BCKDHB: variants seen among roughly 807,000 people sequenced by gnomAD.
BCKDHB encodes branched chain keto acid dehydrogenase E1 subunit beta, also known as 2-oxoisovalerate dehydrogenase subunit beta, mitochondrial.
A neutral mutation model predicts 48.5 loss-of-function variants in BCKDHB; 41 were observed. The ratio of observed to expected loss-of-function variants is 0.85; its 90% CI spans 0.66 to 1.10. The LOEUF (loss-of-function observed/expected upper bound fraction) is 1.10, where lower values mean the gene tolerates loss of function less well. BCKDHB is among the 50% of genes least tolerant of loss of function. BCKDHB has a pLI of 0.00. For synonymous variants in BCKDHB, 201 were observed against 174.8 expected, an observed-to-expected ratio of 1.15 and a Z score of -1.18; for missense variants, 496 against 494.2, an observed-to-expected ratio of 1.00 and a Z score of -0.03.
chr6:80,377,774 A>G, the BCKDHB span, among the ~76,000 whole-genome samples: 6 of 152,204 alleles, frequency 3.9e-5, no homozygotes, highest in South Asian at 6.2e-4. Flanking sequence ...AATTTCTCCT[A>G]CTATATTTTT....
chr6:80,270,644 G>T (rs1045013155), intron 8 of BCKDHB, among the ~76,000 whole-genome samples: 3 of 152,076 alleles, frequency 2.0e-5, no homozygotes, highest in African/African-American at 7.2e-5. Context: ...ACATACAGAG[G>T]TGTTGAAGAA....
the BCKDHB span, among the ~76,000 whole-genome samples, chr6:80,402,283 C>A: frequency 6.6e-6 from 1 of 151,646 alleles, no homozygotes; most frequent in Non-Finnish European, 1.5e-5. Flanking sequence ...TACTTTTTAT[C>A]TTTTGTCTTT....
At chr6:80,254,278 A>T (rs998336701) in intron 8 of BCKDHB, among the ~76,000 whole-genome samples, 2 of 151,596 alleles carry the variant, frequency 1.3e-5, no homozygotes, top group Admixed American at 1.3e-4. Context: ...CTTTTTTCAC[A>T]TGTCATAGTT....
chr6:80,450,580 C>T, the BCKDHB span, among the ~76,000 whole-genome samples: 1 of 152,168 alleles, frequency 6.6e-6, no homozygotes, highest in Non-Finnish European at 1.5e-5. Context: ...CTCAGAGGCA[C>T]TCCCGTAATT....
At chr6:80,403,479 T>G in the BCKDHB span, among the ~76,000 whole-genome samples, 1 of 151,912 alleles carries the variant, frequency 6.6e-6, no homozygotes, top group Non-Finnish European at 1.5e-5. Context: ...AGTTTTTTGG[T>G]GGATTCTTTA....
At chr6:80,295,269 T>C (rs1283517881) in intron 9 of BCKDHB, among the ~76,000 whole-genome samples, 1 of 152,158 alleles carries the variant, frequency 6.6e-6, no homozygotes, top group Non-Finnish European at 1.5e-5. Context: ...CTGGGTAATT[T>C]ATAAGGATAA....
the BCKDHB span, among the ~76,000 whole-genome samples, chr6:80,428,882 C>A: frequency 1.3e-5 from 2 of 152,284 alleles, no homozygotes; most frequent in Admixed American, 6.5e-5. Context: ...TCAATTAGAT[C>A]CCATTTGTCA....
At chr6:80,260,502 A>G (rs1264315864) in intron 8 of BCKDHB, among the ~76,000 whole-genome samples, 5 of 152,188 alleles carry the variant, frequency 3.3e-5, no homozygotes, top group African/African-American at 1.2e-4. Context: ...TACATCACCA[A>G]GTACAATATG....
chr6:80,198,204 A>G (rs1047150107), intron 6 of BCKDHB, among the ~76,000 whole-genome samples: 5 of 152,228 alleles, frequency 3.3e-5, no homozygotes, highest in Non-Finnish European at 7.3e-5. Context: ...AATCAATGGC[A>G]TGGTTGTGAG....
the BCKDHB span, chr6:80,356,061 G>C: frequency 6.6e-6 from 1 of 152,190 alleles, no homozygotes; most frequent in Non-Finnish European, 1.5e-5. Context: ...CATCAGACAA[G>C]TGAATTAACT....
Position 80,168,883 on chromosome 6 carries a change from T to G in BCKDHB, c.486T>G (p.Asn162Lys). 1 of 1,614,122 alleles carries G rather than the reference T, an allele frequency of 6.2e-7. No individual in the cohort carries two copies. The change falls in exon 5 of 10, where the codon AAT becomes AAG. Residue 162 changes from asparagine to lysine, a missense_variant. By Grantham distance (94) the Asn-to-Lys change is moderately conservative. Coordinates refer to ENST00000320393, the MANE Select transcript of BCKDHB (RefSeq NM_183050.4). ...YIFPAFDQIVNEAAKYRYRSG... is the reference protein window; with the variant it reads ...YIFPAFDQIVKEAAKYRYRSG... Reference sequence around the variant, plus strand: ...TTCTTTCTGACCCTCAGATTGTTAATGAAGCTGCCAAGTATCGCTATCGCT... The same window carrying G: ...TTCTTTCTGACCCTCAGATTGTTAAGGAAGCTGCCAAGTATCGCTATCGCT...
intron 6 of BCKDHB, among the ~76,000 whole-genome samples, chr6:80,184,177 T>C (rs1773538856): frequency 6.6e-6 from 1 of 152,166 alleles, no homozygotes; most frequent in Non-Finnish European, 1.5e-5. Flanking sequence ...CCTGTTGGAG[T>C]AGTCCTTTTA....
chr6:80,414,599 A>G, the BCKDHB span, among the ~76,000 whole-genome samples: 11 of 152,198 alleles, frequency 7.2e-5, no homozygotes, highest in East Asian at 1.5e-3. Context: ...TGGGTTCTCT[A>G]TTCTGTTCTA....
intron 1 of BCKDHB, among the ~76,000 whole-genome samples, chr6:80,107,347 A>G (rs1303568407): frequency 1.4e-5 from 2 of 146,294 alleles, no homozygotes; most frequent in African/African-American, 2.5e-5. Context: ...TATTATATAT[A>G]AAATATATAT....
At chr6:80,278,214 A>G (rs755455336) in intron 9 of BCKDHB, among the ~76,000 whole-genome samples, 5 of 152,202 alleles carry the variant, frequency 3.3e-5, no homozygotes, top group South Asian at 2.1e-4. Context: ...AACCTTTCCT[A>G]ATAGCAACAG....
the BCKDHB span, among the ~76,000 whole-genome samples, chr6:80,382,586 C>G: frequency 0.081 from 12,289 of 152,170 alleles, 533 homozygotes; most frequent in South Asian, 0.15. Flanking sequence ...CCTGCACCTC[C>G]TATAACTACC....
At chr6:80,209,413 G>A (rs1774819793) in intron 8 of BCKDHB, among the ~76,000 whole-genome samples, 1 of 151,794 alleles carries the variant, frequency 6.6e-6, no homozygotes, top group South Asian at 2.1e-4. Flanking sequence ...GAACAAAACT[G>A]GAGGACTTAA....
rs953935151 is a variant in BCKDHB at position 80,313,704 on chromosome 6, C to A, written c.1039-29960C>A. 5.3e-5 allele frequency among the ~76,000 whole-genome samples: 8 copies of A among 152,256 alleles called. No individual in the cohort carries two copies. In the South Asian group the frequency reaches 1.5e-3, roughly 28 times the overall value. The stretch of plus-strand genomic sequence containing the variant: ...CTATTTTATTAATTTTTTCAAAAAA[C>A]CAGATCCTAGATTTGTTGATGTTTT... On this transcript the variant is annotated intron_variant, in intron 9 of 9. Transcript: ENST00000320393.
At chr6:80,432,885 C>T in the BCKDHB span, among the ~76,000 whole-genome samples, 1 of 152,090 alleles carries the variant, frequency 6.6e-6, no homozygotes, top group African/African-American at 2.4e-5. Flanking sequence ...CTCTTCCTTT[C>T]TGTTTGTTAG....
Sources: allele counts gnomAD v4.1 joint callset (sites outside exome capture counted in the v4.1 genomes callset), GRCh38; gene constraint gnomAD v4.1.1; transcripts MANE v1.5; gene names NCBI Gene and HGNC (gene_info 2026-07-23, HGNC 2026-07-21).